Variants in NUP98 observed in about 807,000 individuals in gnomAD.
NUP98 encodes nucleoporin 98 and 96 precursor.
A neutral mutation model predicts 191.9 loss-of-function variants in NUP98; 26 were observed. That is an observed-to-expected ratio of 0.14 (90% CI 0.10 to 0.19). NUP98 has a LOEUF of 0.19. Among genes scored for constraint, NUP98 ranks in the 10% least tolerant of loss-of-function variants. The pLI is 1.00. For synonymous variants in NUP98, 808 were observed against 778.4 expected, an observed-to-expected ratio of 1.04 and a Z score of -0.63; for missense variants, 1,941 against 2,178.8, an observed-to-expected ratio of 0.89 and a Z score of 2.17.
chr11:3,728,944 T>A (rs750197553), intron 14 of NUP98, among the ~76,000 whole-genome samples: 35 of 152,158 alleles, frequency 2.3e-4, no homozygotes, highest in Non-Finnish European at 5.1e-4. Context: ...CAAGGAAGAT[T>A]CCAAAATTTC....
chr11:3,753,791 A>AG (rs2080856470), intron 10 of NUP98, among the ~76,000 whole-genome samples: 1 of 123,814 alleles, frequency 8.1e-6, no homozygotes, highest in Non-Finnish European at 1.7e-5. Flanking sequence ...AAAAAAAAAA[A>AG]GGCCAGGTAT....
intron 14 of NUP98, among the ~76,000 whole-genome samples, chr11:3,728,545 C>T (rs2079708607): frequency 6.6e-6 from 1 of 152,082 alleles, no homozygotes; most frequent in Admixed American, 6.5e-5. Context: ...ACCATCCTGG[C>T]TAACACAGTG....
intron 31 of NUP98, among the ~76,000 whole-genome samples, chr11:3,678,817 AAGAC>A (rs2077896479): frequency 6.6e-6 from 1 of 152,104 alleles, no homozygotes; most frequent in Non-Finnish European, 1.5e-5. Context: ...TACGACTACA[AAGAC>A]TGACCTTAAG....
intron 30 of NUP98, 48 bp from the exon 31 acceptor site, chr11:3,679,756 T>G: frequency 6.4e-7 from 1 of 1,572,450 alleles, no homozygotes; most frequent in South Asian, 1.2e-5. Context: ...GTGCATAGTT[T>G]CCAAAAGTAC....
intron 21 of NUP98, 128 bp downstream of exon 21, chr11:3,706,317 T>G (rs1405290029): frequency 3.8e-6 from 3 of 790,320 alleles, no homozygotes; most frequent in Non-Finnish European, 6.2e-6. Flanking sequence ...CATATTCTTG[T>G]ATTTTTTTTC....
At chr11:3,705,114 TC>T (rs897012647) in intron 22 of NUP98, 85 bp downstream of exon 22, 6 of 1,283,970 alleles carry the variant, frequency 4.7e-6, no homozygotes, top group Non-Finnish European at 6.7e-6. Flanking sequence ...GCTAGAGAAG[TC>T]CACTTGGGTT....
At chr11:3,716,726 T>C (rs1195323105) in intron 18 of NUP98, among the ~76,000 whole-genome samples, 2 of 152,138 alleles carry the variant, frequency 1.3e-5, no homozygotes, top group African/African-American at 2.4e-5. Context: ...TTCGACTATA[T>C]AGATGAAGTT....
intron 23 of NUP98, 83 bp downstream of exon 23, chr11:3,702,380 C>T (rs940469733): frequency 1.1e-6 from 1 of 937,394 alleles, no homozygotes; most frequent in South Asian, 1.5e-5. Flanking sequence ...AGAAAGATGA[C>T]AAAGCAGGGC....
intron 1 of NUP98, 122 bp downstream of exon 1, chr11:3,797,278 G>C (rs913318512): frequency 5.0e-6 from 2 of 397,244 alleles, no homozygotes; most frequent in Non-Finnish European, 8.9e-6. Context: ...AGGCCAGAAG[G>C]TGCGCGCAGC....
chr11:3,740,380 A>G lies in NUP98; in HGVS notation c.1408+4129T>C, dbSNP rs554546556. ...ACAAAAATTAGCCGGGCGTGGTGAC[A>G]TGGGCCTGCAATCCCAGCTACTCAA... On this transcript the variant is annotated intron_variant, in intron 12 of 32. Coordinates refer to ENST00000324932, the MANE Select transcript of NUP98 (RefSeq NM_016320.5). 3.3e-5 allele frequency among the ~76,000 whole-genome samples: 5 copies of G among 152,144 alleles called. No homozygotes were observed. The East Asian group carries it at 9.6e-4, about 29-fold the overall frequency.
intron 8 of NUP98, among the ~76,000 whole-genome samples, chr11:3,767,533 T>C (rs2081379590): frequency 1.3e-5 from 2 of 151,464 alleles, no homozygotes; most frequent in South Asian, 4.2e-4. Flanking sequence ...GGTTTCACCA[T>C]GTTGGCCAGG....
chr11:3,739,613 G>A (rs977585113), intron 12 of NUP98, among the ~76,000 whole-genome samples: 1 of 152,026 alleles, frequency 6.6e-6, no homozygotes, highest in Non-Finnish European at 1.5e-5. Context: ...ATTCACCTCC[G>A]CTCTCTCCAA....
intron 16 of NUP98, among the ~76,000 whole-genome samples, chr11:3,721,483 A>G (rs2079399166): frequency 6.6e-6 from 1 of 152,178 alleles, no homozygotes. Context: ...AAATCACTTG[A>G]GGCCAGGAGT....
chr11:3,769,451 A>G (rs1258771870), intron 7 of NUP98, among the ~76,000 whole-genome samples: 1 of 151,530 alleles, frequency 6.6e-6, no homozygotes, highest in East Asian at 1.9e-4. Flanking sequence ...AAAACAGAAA[A>G]AATTATGAAA....
At position 3,779,807 on chromosome 11, in the gene NUP98, A is replaced by G. The variant is rs758875413; in HGVS notation, c.77-550T>C. Reference sequence around the variant, plus strand: ...TAAAGTCAAAAGGAGTGACTTTTCAATAAAAGTTACAGATGTTCATAGGTT... The same window carrying G: ...TAAAGTCAAAAGGAGTGACTTTTCAGTAAAAGTTACAGATGTTCATAGGTT... On this transcript the variant is annotated intron_variant, in intron 2 of 32. Coordinates refer to ENST00000324932, the MANE Select transcript of NUP98 (RefSeq NM_016320.5). Among the ~76,000 whole-genome samples the G allele has an allele frequency of 4.6e-5, 7 of 152,052 alleles. No homozygotes were observed. The South Asian group carries it at 6.2e-4, about 14-fold the overall frequency.
intron 12 of NUP98, among the ~76,000 whole-genome samples, chr11:3,741,823 T>C (rs1409969915): frequency 6.6e-6 from 1 of 152,212 alleles, no homozygotes; most frequent in Non-Finnish European, 1.5e-5. Context: ...AGACCATCAG[T>C]AATGGTTACT....
chr11:3,754,474 ACTGAAC>A (rs1336639354), intron 10 of NUP98, among the ~76,000 whole-genome samples: 2 of 152,188 alleles, frequency 1.3e-5, no homozygotes, highest in East Asian at 3.8e-4. Flanking sequence ...AGACACTTTA[ACTGAAC>A]CTAAAGGTCC....
intron 10 of NUP98, among the ~76,000 whole-genome samples, chr11:3,758,966 A>T (rs1047647708): frequency 6.6e-6 from 1 of 152,226 alleles, no homozygotes; most frequent in Admixed American, 6.5e-5. Context: ...AAACACATCA[A>T]TTTAGGAATT....
At position 3,778,297 on chromosome 11, in the gene NUP98, C is replaced by T. The variant is rs115544645; in HGVS notation, c.355+576G>A. On this transcript the variant is annotated intron_variant, in intron 4 of 32. Transcript: ENST00000324932. ...CCAGGAATGGAATCACTTGATAAAG[C>T]ATACCTGATGAACTAGCAGTGGTTG... 4.0e-3 allele frequency among the ~76,000 whole-genome samples: 614 copies of T among 151,612 alleles called. 2 individuals are homozygous for T. The highest frequency in any genetic ancestry group is 0.014 in the African/African-American group (577 of 41,336).
Sources: gnomAD v4.1 joint callset for allele counts (sites outside exome capture counted in the v4.1 genomes callset) on GRCh38, gnomAD v4.1.1 for gene constraint, MANE v1.5 for transcripts, NCBI Gene and HGNC (gene_info 2026-07-23, HGNC 2026-07-21) for gene names.